WDR20: variants seen among roughly 807,000 people sequenced by gnomAD.
The protein encoded by WDR20 is WD repeat-containing protein 20.
WDR20 carries 3 observed loss-of-function variants against 38.7 expected under a neutral mutation model. The ratio of observed to expected loss-of-function variants is 0.08; its 90% confidence interval spans 0.04 to 0.20. WDR20 has a LOEUF of 0.20. WDR20 is among the 10% of genes least tolerant of loss of function. The pLI is 1.00. For synonymous variants in WDR20, 298 were observed against 285.6 expected (o/e 1.04, Z -0.44); for missense variants, 559 against 727.7 (o/e 0.77, Z 2.67).
chr14:102,170,408 C>A (rs771633986), intron 1 of WDR20, among the ~76,000 whole-genome samples: 21 of 152,068 alleles, frequency 1.4e-4, no homozygotes, highest in Non-Finnish European at 2.8e-4. Flanking sequence ...ATAGTCAAAT[C>A]GCCTTCTAAA....
At chr14:102,179,014 A>G (rs2062784290) in intron 1 of WDR20, 1 of 151,794 alleles carries the variant, frequency 6.6e-6, no homozygotes. Flanking sequence ...GGCCTGTCAG[A>G]CTCCAAAGCC....
intron 1 of WDR20, among the ~76,000 whole-genome samples, chr14:102,187,317 A>G (rs2065072231): frequency 6.6e-6 from 1 of 152,162 alleles, no homozygotes; most frequent in Non-Finnish European, 1.5e-5. Context: ...CTTTCACAAT[A>G]TATGGAACAT....
At chr14:102,166,321 G>A (rs2059777409) in intron 1 of WDR20, among the ~76,000 whole-genome samples, 2 of 152,168 alleles carry the variant, frequency 1.3e-5, no homozygotes, top group South Asian at 4.1e-4. Context: ...CATGGAATAT[G>A]TTTTTATGAT....
chr14:102,159,002 A>G (rs1037635153), intron 1 of WDR20, among the ~76,000 whole-genome samples: 2 of 151,702 alleles, frequency 1.3e-5, no homozygotes, highest in Non-Finnish European at 2.9e-5. Flanking sequence ...TAGTGTAGTA[A>G]TGTGATCAAA....
At chr14:102,164,505 A>G (rs1181476070) in intron 1 of WDR20, among the ~76,000 whole-genome samples, 1 of 152,174 alleles carries the variant, frequency 6.6e-6, no homozygotes, top group Non-Finnish European at 1.5e-5. Context: ...TCAGATAGAA[A>G]CAGCCTTCTA....
chr14:102,166,421 T>C (rs74082240), intron 1 of WDR20, among the ~76,000 whole-genome samples: 2,682 of 152,292 alleles, frequency 0.018, 84 homozygotes, highest in African/African-American at 0.062. Context: ...CCTTATCTGT[T>C]AGGCTGAAGG....
intron 1 of WDR20, among the ~76,000 whole-genome samples, chr14:102,147,967 G>C (rs1219039803): frequency 6.6e-6 from 1 of 152,166 alleles, no homozygotes; most frequent in Non-Finnish European, 1.5e-5. Flanking sequence ...CTGACCTCAG[G>C]TGATCCACCT....
chr14:102,151,299 T>C (rs2055762067), intron 1 of WDR20, among the ~76,000 whole-genome samples: 1 of 152,102 alleles, frequency 6.6e-6, no homozygotes, highest in Non-Finnish European at 1.5e-5. Context: ...CACGAGCTTT[T>C]CTGTCAAAAA....
At position 102,173,845 on chromosome 14, in the gene WDR20, C is replaced by A. The variant is rs1481748121; in HGVS notation, c.250-21093C>A. ...AGATCATGAGGTCAGGAGATCGAGACCATCCTGGCTAACATGCTGAAACCC... is the reference window on the plus strand; with the variant it reads ...AGATCATGAGGTCAGGAGATCGAGAACATCCTGGCTAACATGCTGAAACCC... On this transcript the variant is annotated intron_variant, in intron 1 of 2. Transcript: ENST00000342702. 3.3e-5 allele frequency among the ~76,000 whole-genome samples: 5 copies of A among 152,144 alleles called. No homozygotes were observed. In the South Asian group the frequency reaches 8.3e-4, roughly 25 times the overall value.
At chr14:102,205,252 C>A (rs1016776971) in intron 2 of WDR20, among the ~76,000 whole-genome samples, 1 of 147,940 alleles carries the variant, frequency 6.8e-6, no homozygotes, top group Non-Finnish European at 1.5e-5. Flanking sequence ...TGGAGCGAGA[C>A]CCTGTCTCAA....
chr14:102,164,044 G>A (rs1259055096), intron 1 of WDR20, among the ~76,000 whole-genome samples: 1 of 152,098 alleles, frequency 6.6e-6, no homozygotes, highest in Non-Finnish European at 1.5e-5. Flanking sequence ...CCTTGATGTG[G>A]CAGCAGTCTG....
chr14:102,158,538 C>T (rs1390505784), intron 1 of WDR20, among the ~76,000 whole-genome samples: 4 of 152,054 alleles, frequency 2.6e-5, no homozygotes, highest in Non-Finnish European at 5.9e-5. Flanking sequence ...CCTTATGATC[C>T]GCCCACCTTG....
rs546212081 is a variant in WDR20, at chr14:102,150,836, A to G, written c.249+10664A>G. ...GACATGATATTCACACACTCATTCT[A>G]AGAGGACTTACTGAGTGCCTGCTCT... is the stretch of plus-strand genomic sequence containing the variant. On this transcript the variant is annotated intron_variant, in intron 1 of 2. Transcript: ENST00000342702. Among the ~76,000 whole-genome samples the G allele has an allele frequency of 1.4e-4, 22 of 152,342 alleles. 1 individual carries two copies. The East Asian group carries it at 3.3e-3, about 23-fold the overall frequency.
intron 1 of WDR20, among the ~76,000 whole-genome samples, chr14:102,172,516 G>C (rs1357688313): frequency 1.3e-5 from 2 of 150,330 alleles, no homozygotes; most frequent in African/African-American, 2.4e-5. Flanking sequence ...TCCCGGACGG[G>C]GCGGCTGGCC....
chr14:102,158,373 C>T (rs1411217041), intron 1 of WDR20, among the ~76,000 whole-genome samples: 1 of 152,120 alleles, frequency 6.6e-6, no homozygotes, highest in Non-Finnish European at 1.5e-5. Context: ...TCTTGGCTCA[C>T]TGCAACCTCT....
intron 1 of WDR20, among the ~76,000 whole-genome samples, chr14:102,160,029 A>G (rs1302128166): frequency 6.6e-6 from 1 of 152,094 alleles, no homozygotes; most frequent in Non-Finnish European, 1.5e-5. Flanking sequence ...GCTTAAGCCC[A>G]GGAATTCAAC....
At chr14:102,188,503 A>G (rs1035074610) in intron 1 of WDR20, among the ~76,000 whole-genome samples, 2 of 152,192 alleles carry the variant, frequency 1.3e-5, no homozygotes, top group Non-Finnish European at 2.9e-5. Flanking sequence ...AAATTCCTCA[A>G]GGACCTATAG....
chr14:102,197,407 G>GT (rs2059594254), intron 2 of WDR20, among the ~76,000 whole-genome samples: 2 of 152,280 alleles, frequency 1.3e-5, no homozygotes, highest in African/African-American at 4.8e-5. Context: ...GCATTTTAAA[G>GT]TTTTTTAAAA....
intron 1 of WDR20, among the ~76,000 whole-genome samples, chr14:102,176,426 T>C (rs1329406728): frequency 4.6e-5 from 6 of 131,790 alleles, no homozygotes; most frequent in Middle Eastern, 5.7e-3. Context: ...GGGCCGGGCG[T>C]GGTGGCTCAC....
Sources: allele counts gnomAD v4.1 joint callset (sites outside exome capture counted in the v4.1 genomes callset), GRCh38; gene constraint gnomAD v4.1.1; transcripts MANE v1.5; gene names NCBI Gene and HGNC (gene_info 2026-07-23, HGNC 2026-07-21).